Variants in GSE1 observed in about 807,000 individuals in gnomAD.
GSE1 encodes the protein Gse1 coiled-coil protein.
In GSE1, 32 loss-of-function variants were observed where a neutral mutation model predicts 112.6. The observed-to-expected ratio is 0.28, with a 90% CI of 0.21 to 0.38. GSE1 has a LOEUF of 0.38. Ranked by LOEUF, GSE1 falls within the 10% of genes least tolerant of loss-of-function variation. GSE1 has a pLI of 1.00. For missense variants in GSE1, 2,348 were observed against 1,699.2 expected (o/e 1.38, Z -6.71); for synonymous variants, 1,115 against 735.6 (o/e 1.52, Z -8.35).
At chr16:85,412,899 C>T (rs1024294905) in intron 2 of GSE1, among the ~76,000 whole-genome samples, 4 of 152,212 alleles carry the variant, frequency 2.6e-5, no homozygotes, top group Admixed American at 2.0e-4. Flanking sequence ...TTCAGGGGGC[C>T]GTGATCCAGC....
Position 85,651,209 on chromosome 16 carries a change from C to T in GSE1, c.426+2458C>T, listed in dbSNP as rs561142787. Among the ~76,000 whole-genome samples the T allele has an allele frequency of 1.3e-4, 19 of 151,964 alleles. No individual in the cohort carries two copies. In the South Asian group the frequency reaches 1.7e-3, roughly 13 times the overall value. On this transcript the variant is annotated intron_variant, in intron 3 of 15. Transcript: ENST00000253458. ...GAGACGGCAGTGAGACCCCGGCTGC[C>T]GCTATCGGGGTGCCTTTGGGGTAGC... is the stretch of plus-strand genomic sequence containing the variant.
At chr16:85,637,164 G>A (rs2050071262) in intron 2 of GSE1, among the ~76,000 whole-genome samples, 1 of 152,176 alleles carries the variant, frequency 6.6e-6, no homozygotes, top group Admixed American at 6.5e-5. Flanking sequence ...GGTTGCATTT[G>A]CCGTCAGCTC....
Position 85,655,745 on chromosome 16 carries a change from C to A in GSE1, c.817C>A (p.Leu273Met). ...GCACAGGATGGACGACTCCTACTGC[C>A]TGTCTGCCCTGAGGTCCCCGTTCTA... The part of the protein sequence containing the change: ...PAFRMDDSYC[L>M]SALRSPFYPI... The change falls in exon 6 of 16, where the codon CTG (leucine) becomes ATG (methionine). Residue 273 changes from leucine to methionine, a missense_variant. Physicochemically the swap from Leu to Met is conservative, Grantham distance 15 (BLOSUM62 2). Transcript: ENST00000253458. 1 of 1,606,124 alleles carries A rather than the reference C, an allele frequency of 6.2e-7. No homozygotes were observed. The highest frequency in any genetic ancestry group is 1.1e-5 in the South Asian group (1 of 90,074).
chr16:85,270,699 A>G (rs1418895822), intron 1 of GSE1, among the ~76,000 whole-genome samples: 5 of 127,932 alleles, frequency 3.9e-5, no homozygotes, highest in East Asian at 3.9e-4. Flanking sequence ...GGAAAAATCC[A>G]TTTAATAATC....
intron 1 of GSE1, among the ~76,000 whole-genome samples, chr16:85,246,364 CACACCACACGCTGTCT>C (rs1483455638): frequency 7.4e-6 from 1 of 135,108 alleles, no homozygotes; most frequent in East Asian, 2.1e-4. Flanking sequence ...CACACACACA[CACACCACACGCTGTCT>C]ACACACACAC....
intron 1 of GSE1, among the ~76,000 whole-genome samples, chr16:85,337,199 C>T (rs1024454924): frequency 2.0e-5 from 3 of 152,178 alleles, no homozygotes; most frequent in Non-Finnish European, 4.4e-5. Context: ...GCCTGCTCCT[C>T]AAAGCTCATG....
upstream of GSE1, among the ~76,000 whole-genome samples, chr16:85,551,540 A>G (rs1054301081): frequency 6.6e-6 from 1 of 152,234 alleles, no homozygotes; most frequent in Non-Finnish European, 1.5e-5. Context: ...GGGCCGTTCA[A>G]TGGAAGGCCG....
chr16:85,667,973 C>A (rs1352334382), intron 13 of GSE1, among the ~76,000 whole-genome samples, 167 bp from the exon 14 acceptor site: 1 of 63,298 alleles, frequency 1.6e-5, no homozygotes, highest in South Asian at 5.6e-4. Flanking sequence ...CTCAAGTGGC[C>A]CAGAGGCCTT....
intron 1 of GSE1, among the ~76,000 whole-genome samples, chr16:85,337,398 C>T (rs981588188): frequency 6.6e-5 from 10 of 151,176 alleles, no homozygotes; most frequent in East Asian, 1.9e-4. Flanking sequence ...CTCCGCCTCC[C>T]GGGTTCACGC....
chr16:85,561,993 G>A (rs1210284754), intron 1 of GSE1, among the ~76,000 whole-genome samples: 1 of 152,224 alleles, frequency 6.6e-6, no homozygotes, highest in African/African-American at 2.4e-5. Context: ...GGCACCCGCA[G>A]GGACCAAGGT....
At position 85,460,720 on chromosome 16, in the gene GSE1, G is replaced by A. The variant is rs115053329; in HGVS notation, c.2464+103077G>A. Among the ~76,000 whole-genome samples the A allele has an allele frequency of 6.1e-3, 926 of 152,124 alleles. 6 individuals carry two copies. The highest frequency in any genetic ancestry group is 0.021 in the African/African-American group (862 of 41,480). On this transcript the variant is annotated intron_variant, in intron 2 of 2. Transcript: ENST00000637419. ...GGAGGCCAGGGCGGAGCACCCATGCGCAGACACGGTCCTGTGGTCTTGCAC... is the reference window on the plus strand; with the variant it reads ...GGAGGCCAGGGCGGAGCACCCATGCACAGACACGGTCCTGTGGTCTTGCAC...
intron 2 of GSE1, among the ~76,000 whole-genome samples, chr16:85,526,401 G>A (rs1033892062): frequency 6.6e-6 from 1 of 152,268 alleles, no homozygotes; most frequent in African/African-American, 2.4e-5. Context: ...CCCACTGTCT[G>A]CACAGGGTGA....
At chr16:85,256,059 T>C (rs939936715) in intron 1 of GSE1, among the ~76,000 whole-genome samples, 11 of 152,158 alleles carry the variant, frequency 7.2e-5, no homozygotes, top group African/African-American at 2.7e-4. Flanking sequence ...CTTCCCCATA[T>C]GTAAGATGGG....
At chr16:85,530,336 G>A (rs572854862) in intron 2 of GSE1, among the ~76,000 whole-genome samples, 5 of 152,372 alleles carry the variant, frequency 3.3e-5, no homozygotes, top group Admixed American at 6.5e-5. Context: ...GCAAGGGCGC[G>A]AATGTATCTC....
At chr16:85,455,401 G>A (rs569410266) in intron 2 of GSE1, among the ~76,000 whole-genome samples, 16 of 145,060 alleles carry the variant, frequency 1.1e-4, no homozygotes, top group Admixed American at 4.0e-4. Context: ...GAGAGAGAGA[G>A]AGAAAGAAAG....
intron 1 of GSE1, among the ~76,000 whole-genome samples, chr16:85,347,638 C>T (rs1014117441): frequency 2.4e-4 from 33 of 140,366 alleles, no homozygotes; most frequent in African/African-American, 8.0e-4. Flanking sequence ...ATGTTTCTGT[C>T]GCCAGTGACC....
intron 1 of GSE1, among the ~76,000 whole-genome samples, chr16:85,573,829 T>G (rs1161196034): frequency 2.0e-5 from 3 of 152,180 alleles, no homozygotes. Flanking sequence ...CTCCCTGTGT[T>G]TCTGGGGAAC....
At chr16:85,629,027 C>T (rs185721385) in intron 1 of GSE1, among the ~76,000 whole-genome samples, 268 of 152,288 alleles carry the variant, frequency 1.8e-3, no homozygotes, top group Non-Finnish European at 2.4e-3. Flanking sequence ...AGCACGCTCT[C>T]GCAAGATCTG....
At chr16:85,248,530 C>T (rs535466512) in intron 1 of GSE1, among the ~76,000 whole-genome samples, 30 of 152,210 alleles carry the variant, frequency 2.0e-4, no homozygotes, top group African/African-American at 6.0e-4. Context: ...GCCTCTCTCT[C>T]TCTCTCTCTC....
Sources: gnomAD v4.1 joint callset for allele counts (sites outside exome capture counted in the v4.1 genomes callset) on GRCh38, gnomAD v4.1.1 for gene constraint, MANE v1.5 for transcripts, NCBI Gene and HGNC (gene_info 2026-07-23, HGNC 2026-07-21) for gene names.